C2orf76: variants seen among roughly 807,000 people sequenced by gnomAD.
C2orf76 encodes the protein chromosome 2 open reading frame 76, also known as UPF0538 protein C2orf76.
In C2orf76, 23 loss-of-function variants were observed where a neutral mutation model predicts 16.9. The observed-to-expected ratio is 1.36, with a 90% CI of 0.98 to 1.93. The LOEUF (loss-of-function observed/expected upper bound fraction) is 1.93, where lower values mean the gene tolerates loss of function less well. Ranked by LOEUF, C2orf76 falls within the 30% of genes most tolerant of loss-of-function variation. The pLI, the probability that C2orf76 is intolerant of heterozygous loss-of-function variation, is 0.00. For missense variants in C2orf76, 152 were observed against 152.6 expected, an observed-to-expected ratio of 1.00 and a Z score of 0.02; for synonymous variants, 48 against 52.3, an observed-to-expected ratio of 0.92 and a Z score of 0.35.
At chr2:119,348,046 C>CAAAA (rs1205382710) in intron 1 of C2orf76, among the ~76,000 whole-genome samples, 7 of 81,970 alleles carry the variant, frequency 8.5e-5, no homozygotes, top group East Asian at 3.9e-4. Flanking sequence ...GGCTCTGTCT[C>CAAAA]AAAAAAAAAA....
intron 1 of C2orf76, among the ~76,000 whole-genome samples, chr2:119,364,566 G>T (rs1205439085): frequency 6.6e-6 from 1 of 152,180 alleles, no homozygotes; most frequent in African/African-American, 2.4e-5. Context: ...TGCCTAAGAA[G>T]TGCCAGACAC....
chr2:119,292,035 G>A, the C2orf76 span, among the ~76,000 whole-genome samples: 5 of 152,010 alleles, frequency 3.3e-5, no homozygotes, highest in Admixed American at 6.6e-5. Context: ...ATGTCCAAGC[G>A]GAGCTCTCTC....
At chr2:119,336,028 G>A (rs1573656614) in intron 2 of C2orf76, among the ~76,000 whole-genome samples, 1 of 152,256 alleles carries the variant, frequency 6.6e-6, no homozygotes, top group South Asian at 2.1e-4. Flanking sequence ...CTAGTATTCT[G>A]AATCTAAAAA....
At chr2:119,362,704 G>A (rs527296370) in intron 1 of C2orf76, among the ~76,000 whole-genome samples, 1 of 152,188 alleles carries the variant, frequency 6.6e-6, no homozygotes, top group African/African-American at 2.4e-5. Flanking sequence ...AATTCTAAAG[G>A]AAGTCCTGTC....
At chr2:119,332,145 T>C (rs1035934805) in intron 2 of C2orf76, among the ~76,000 whole-genome samples, 9 of 152,144 alleles carry the variant, frequency 5.9e-5, no homozygotes, top group African/African-American at 1.9e-4. Flanking sequence ...TAGAAAACCA[T>C]TGAAATATCA....
intron 4 of C2orf76, among the ~76,000 whole-genome samples, chr2:119,316,529 T>C: frequency 6.6e-6 from 1 of 152,216 alleles, no homozygotes; most frequent in Non-Finnish European, 1.5e-5. Flanking sequence ...CAGTTACTAA[T>C]CAATGGTCAA....
intron 4 of C2orf76, among the ~76,000 whole-genome samples, chr2:119,313,769 A>AC (rs762589754): frequency 1.3e-4 from 20 of 152,098 alleles, no homozygotes; most frequent in Non-Finnish European, 2.9e-4. Flanking sequence ...CCCTCCCAAC[A>AC]CAGTATATTA....
chr2:119,350,066 A>ACCCC (rs1489941272), intron 1 of C2orf76, among the ~76,000 whole-genome samples: 5 of 33,802 alleles, frequency 1.5e-4, no homozygotes, highest in Admixed American at 2.9e-4. Context: ...CCCCGCCCAC[A>ACCCC]CCGCCCCCCG....
At chr2:119,330,607 C>T (rs1357477597) in intron 2 of C2orf76, among the ~76,000 whole-genome samples, 2 of 152,040 alleles carry the variant, frequency 1.3e-5, no homozygotes, top group South Asian at 2.1e-4. Flanking sequence ...TAGTTTTCAT[C>T]ATATTTGTAA....
At chr2:119,294,769 C>G in the C2orf76 span, among the ~76,000 whole-genome samples, 2 of 152,156 alleles carry the variant, frequency 1.3e-5, no homozygotes, top group African/African-American at 4.8e-5. Context: ...GACAGCGTGG[C>G]CAGTCAGCAC....
chr2:119,319,047 T>A (rs1377582766), intron 3 of C2orf76, among the ~76,000 whole-genome samples: 1 of 152,052 alleles, frequency 6.6e-6, no homozygotes, highest in Non-Finnish European at 1.5e-5. Flanking sequence ...TATAGATATG[T>A]TTATTATTTG....
At chr2:119,331,871 A>T (rs957180338) in intron 2 of C2orf76, among the ~76,000 whole-genome samples, 1 of 152,184 alleles carries the variant, frequency 6.6e-6, no homozygotes, top group African/African-American at 2.4e-5. Context: ...CCCACTTTGC[A>T]CTGCGTTTTT....
chr2:119,362,722 C>A (rs1249650025), intron 1 of C2orf76, among the ~76,000 whole-genome samples: 1 of 152,170 alleles, frequency 6.6e-6, no homozygotes, highest in African/African-American at 2.4e-5. Context: ...GTCTTCCTTA[C>A]TTCCAGCCAG....
At chr2:119,318,621 C>T (rs1486380925) in intron 3 of C2orf76, among the ~76,000 whole-genome samples, 3 of 151,884 alleles carry the variant, frequency 2.0e-5, no homozygotes, top group Admixed American at 6.6e-5. Context: ...GCTCCACCTC[C>T]CAAGTTCAAG....
At position 119,317,496 on chromosome 2, in the gene C2orf76, T is replaced by G; in HGVS notation, c.192A>C (p.Leu64=). 6.2e-7 allele frequency: 1 copy of G among 1,606,226 alleles called. No individual in the cohort carries two copies. Among genetic ancestry groups the G allele is most frequent in the Non-Finnish European group, 8.5e-7 (1 of 1,175,054 alleles). ...ATTTATGTGCTTGATGAATAATCTTTAGTGCATCTGAAAGAAAAAAGCAAG... is the reference window on the plus strand; with the variant it reads ...ATTTATGTGCTTGATGAATAATCTTGAGTGCATCTGAAAGAAAAAAGCAAG... ...PPFRNYKYDA[L]KIIHQAHKSK... The change falls in exon 4 of 6, where the codon CTA becomes CTC. Residue 64 remains leucine (L), a synonymous_variant. Transcript: ENST00000334816.
chr2:119,327,779 T>G (rs1679555741), intron 2 of C2orf76, among the ~76,000 whole-genome samples: 1 of 152,202 alleles, frequency 6.6e-6, no homozygotes, highest in Admixed American at 6.5e-5. Flanking sequence ...AATAAATCTC[T>G]TTTCTTTATA....
chr2:119,334,686 C>A (rs1490838902), intron 2 of C2orf76, among the ~76,000 whole-genome samples: 2 of 115,640 alleles, frequency 1.7e-5, no homozygotes, highest in African/African-American at 6.5e-5. Flanking sequence ...ATGAGACTCT[C>A]TCTCAGAAAA....
At chr2:119,303,235 T>C (rs1418987857) in intron 5 of C2orf76, among the ~76,000 whole-genome samples, 2 of 152,234 alleles carry the variant, frequency 1.3e-5, no homozygotes, top group Non-Finnish European at 2.9e-5. Context: ...CACAATTCTT[T>C]CAACCTAGCA....
chr2:119,308,743 A>G (rs1316303754), intron 5 of C2orf76, among the ~76,000 whole-genome samples: 1 of 152,260 alleles, frequency 6.6e-6, no homozygotes, highest in African/African-American at 2.4e-5. Context: ...CTTCACATAC[A>G]GGGAAGGTCA....
Sources: allele counts gnomAD v4.1 joint callset (sites outside exome capture counted in the v4.1 genomes callset), GRCh38; gene constraint gnomAD v4.1.1; transcripts MANE v1.5; gene names NCBI Gene and HGNC (gene_info 2026-07-23, HGNC 2026-07-21).